MAGI2: variants seen among roughly 807,000 people sequenced by gnomAD.
MAGI2 encodes the protein membrane associated guanylate kinase, WW and PDZ domain containing 2, also known as membrane-associated guanylate kinase, WW and PDZ domain-containing protein 2.
A neutral mutation model predicts 133.3 loss-of-function variants in MAGI2; 35 were observed. The observed-to-expected ratio is 0.26, with a 90% CI of 0.20 to 0.35. The LOEUF is 0.35. MAGI2 is among the 10% of genes least tolerant of loss of function. The pLI is 1.00. For missense variants in MAGI2, 1,636 were observed against 1,863.4 expected (o/e 0.88, Z 2.25); for synonymous variants, 729 against 710.6 (o/e 1.03, Z -0.41).
chr7:78,083,387 GGA>G (rs747230358), intron 20 of MAGI2, among the ~76,000 whole-genome samples: 4,045 of 33,222 alleles, frequency 0.12, 138 homozygotes, highest in East Asian at 0.37. Flanking sequence ...AGGGAGGGGG[GGA>G]GAGAGAGAGA....
chr7:79,445,655 G>A (rs895283774), intron 1 of MAGI2, among the ~76,000 whole-genome samples: 14 of 152,168 alleles, frequency 9.2e-5, no homozygotes, highest in Middle Eastern at 3.2e-3. Flanking sequence ...CCATTAAAAA[G>A]TCAGGAAACA....
intron 2 of MAGI2, among the ~76,000 whole-genome samples, chr7:78,765,238 C>T (rs779046332): frequency 1.3e-5 from 2 of 151,416 alleles, no homozygotes; most frequent in East Asian, 1.9e-4. Context: ...AAGAGAATTG[C>T]TCTTTGTTGA....
At chr7:78,440,319 T>C (rs1335326116) in intron 6 of MAGI2, among the ~76,000 whole-genome samples, 1 of 152,150 alleles carries the variant, frequency 6.6e-6, no homozygotes, top group Non-Finnish European at 1.5e-5. Flanking sequence ...ATAGAGGTCA[T>C]ATGGCTGATG....
chr7:78,629,163 TACTTTCGGTTC>T (rs1221193315), intron 2 of MAGI2, among the ~76,000 whole-genome samples: 1 of 152,184 alleles, frequency 6.6e-6, no homozygotes, highest in Non-Finnish European at 1.5e-5. Flanking sequence ...GGCCCATCAG[TACTTTCGGTTC>T]ACTAAGTGGC....
At chr7:78,375,984 G>T (rs1794415308) in intron 6 of MAGI2, among the ~76,000 whole-genome samples, 1 of 152,028 alleles carries the variant, frequency 6.6e-6, no homozygotes, top group Admixed American at 6.6e-5. Context: ...TTATATCTTT[G>T]TCTCTTTTTT....
chr7:78,377,805 G>A (rs778514862), intron 6 of MAGI2, among the ~76,000 whole-genome samples: 17 of 140,648 alleles, frequency 1.2e-4, no homozygotes, highest in Admixed American at 6.0e-4. Context: ...CGCTGGTCTA[G>A]GAACAAAAGA....
intron 2 of MAGI2, among the ~76,000 whole-genome samples, chr7:78,853,318 C>CTTGTCCA (rs534112526): frequency 1.3e-4 from 14 of 106,520 alleles, no homozygotes; most frequent in African/African-American, 5.2e-4. Flanking sequence ...TCATATTACT[C>CTTGTCCA]TTGTCCATTC....
At chr7:79,054,627 C>A (rs912441663) in intron 1 of MAGI2, among the ~76,000 whole-genome samples, 3 of 152,178 alleles carry the variant, frequency 2.0e-5, no homozygotes, top group Non-Finnish European at 2.9e-5. Flanking sequence ...CTCGTTTGGG[C>A]CATTTCAATA....
At chr7:78,334,579 A>G (rs914545930) in intron 9 of MAGI2, among the ~76,000 whole-genome samples, 9 of 152,196 alleles carry the variant, frequency 5.9e-5, no homozygotes, top group African/African-American at 1.9e-4. Flanking sequence ...GTTATTCACA[A>G]ACACCCCTTC....
chr7:78,230,991 C>T (rs774894188), intron 10 of MAGI2, among the ~76,000 whole-genome samples: 1 of 152,160 alleles, frequency 6.6e-6, no homozygotes, highest in Non-Finnish European at 1.5e-5. Flanking sequence ...ATCTCTTCCA[C>T]TAAATTAGGG....
intron 1 of MAGI2, among the ~76,000 whole-genome samples, chr7:79,427,001 T>C (rs1307564839): frequency 6.6e-6 from 1 of 152,164 alleles, no homozygotes; most frequent in African/African-American, 2.4e-5. Flanking sequence ...ATTGTCTGAT[T>C]GCAGGGCTTT....
rs182337130 is a variant in MAGI2 at position 79,289,580 on chromosome 7, C to T, written c.301+163440G>A. Among the ~76,000 whole-genome samples, 477 of 152,160 alleles carry T rather than the reference C, an allele frequency of 3.1e-3. 3 individuals are homozygous for T. Among genetic ancestry groups the T allele is most frequent in the Non-Finnish European group, 5.8e-3 (395 of 68,006 alleles). Reference sequence around the variant, plus strand: ...ATAACAGTCATCCCTGAATATAGATCACCTAGTTTTATTAGACCCAGATCA... The same window carrying T: ...ATAACAGTCATCCCTGAATATAGATTACCTAGTTTTATTAGACCCAGATCA... On this transcript the variant is annotated intron_variant, in intron 1 of 21. Coordinates refer to ENST00000354212, the MANE Select transcript of MAGI2 (RefSeq NM_012301.4).
chr7:78,491,871 T>TTG (rs10598552), intron 5 of MAGI2, among the ~76,000 whole-genome samples: 10,560 of 140,962 alleles, frequency 0.075, 410 homozygotes, highest in Non-Finnish European at 0.1. Flanking sequence ...TCCGTTCAAA[T>TTG]TGTGTGTGTG....
intron 2 of MAGI2, among the ~76,000 whole-genome samples, chr7:78,960,276 A>G (rs1035632672): frequency 3.3e-5 from 5 of 152,116 alleles, no homozygotes; most frequent in African/African-American, 9.7e-5. Flanking sequence ...AAAGTCACAT[A>G]TTATTTGTTA....
At chr7:78,694,745 G>T (rs932340900) in intron 2 of MAGI2, among the ~76,000 whole-genome samples, 1 of 152,112 alleles carries the variant, frequency 6.6e-6, no homozygotes, top group Non-Finnish European at 1.5e-5. Flanking sequence ...AGCTTATAAA[G>T]GCCAATACCG....
chr7:78,322,779 A>G (rs1788142888), intron 9 of MAGI2, among the ~76,000 whole-genome samples: 1 of 152,180 alleles, frequency 6.6e-6, no homozygotes, highest in Non-Finnish European at 1.5e-5. Context: ...GGTGAACTAA[A>G]TCTAAACTTA....
intron 4 of MAGI2, among the ~76,000 whole-genome samples, chr7:78,519,407 T>C (rs938347797): frequency 1.3e-5 from 2 of 152,150 alleles, no homozygotes; most frequent in Non-Finnish European, 2.9e-5. Flanking sequence ...AAAAGCACAG[T>C]ATAAGGGCCA....
At chr7:79,254,618 G>C (rs994637675) in intron 1 of MAGI2, among the ~76,000 whole-genome samples, 3 of 152,148 alleles carry the variant, frequency 2.0e-5, no homozygotes, top group Non-Finnish European at 4.4e-5. Context: ...GCCTATCCCA[G>C]TGAACAAAAA....
chr7:78,621,703 G>C (rs1221642930), intron 3 of MAGI2, among the ~76,000 whole-genome samples: 1 of 151,972 alleles, frequency 6.6e-6, no homozygotes, highest in Non-Finnish European at 1.5e-5. Flanking sequence ...TTCCTTGCAG[G>C]CTCCAGGAAG....
Sources: allele counts gnomAD v4.1 joint callset (sites outside exome capture counted in the v4.1 genomes callset), GRCh38; gene constraint gnomAD v4.1.1; transcripts MANE v1.5; gene names NCBI Gene and HGNC (gene_info 2026-07-23, HGNC 2026-07-21).